Variants in BAZ1A observed in about 807,000 individuals in gnomAD.
The protein encoded by BAZ1A is bromodomain adjacent to zinc finger domain 1A.
A neutral mutation model predicts 185.2 loss-of-function variants in BAZ1A; 50 were observed. The ratio of observed to expected loss-of-function variants is 0.27; its 90% confidence interval spans 0.22 to 0.34. The LOEUF (loss-of-function observed/expected upper bound fraction) is 0.34. Ranked by LOEUF, BAZ1A falls within the 10% of genes least tolerant of loss-of-function variation. BAZ1A has a pLI of 1.00. For synonymous variants in BAZ1A, 571 were observed against 615.6 expected (o/e 0.93, Z 1.07); for missense variants, 1,356 against 1,839.9 (o/e 0.74, Z 4.81).
chr14:34,854,167 C>T (rs2042639508), intron 3 of BAZ1A, among the ~76,000 whole-genome samples: 1 of 152,184 alleles, frequency 6.6e-6, no homozygotes, highest in Admixed American at 6.5e-5. Flanking sequence ...TGGCTCACAT[C>T]TGTAATTCCA....
intron 3 of BAZ1A, among the ~76,000 whole-genome samples, chr14:34,850,302 C>T (rs1330613266): frequency 3.3e-5 from 5 of 151,912 alleles, no homozygotes; most frequent in Non-Finnish European, 7.4e-5. Flanking sequence ...TGCCTGAGCC[C>T]GGGAAATGGA....
Position 34,753,484 on chromosome 14 carries a change from A to C in BAZ1A, c.*24T>G. 1.2e-6 allele frequency: 2 copies of C among 1,612,678 alleles called. No individual in the cohort carries two copies. Among genetic ancestry groups the C allele is most frequent in the Non-Finnish European group, 1.7e-6 (2 of 1,179,002 alleles). On this transcript the variant is annotated 3_prime_UTR_variant, in exon 27 of 27. Transcript: ENST00000360310. Reference sequence around the variant, plus strand: ...TTCATGAACAATTTGTTTTTCTTCAAATATATCCTTTAGAAGGACAAAGTC... The same window carrying C: ...TTCATGAACAATTTGTTTTTCTTCACATATATCCTTTAGAAGGACAAAGTC...
rs1028595086 is a variant in BAZ1A at position 34,780,040 on chromosome 14, C to T, written c.2236+146G>A. 3 of 990,344 alleles carry T rather than the reference C, an allele frequency of 3.0e-6. No individual in the cohort carries two copies. The African/African-American group carries it at 4.9e-5, about 16-fold the overall frequency. The allele number at this position is 990,344 out of a possible 1,614,324, so 61.3% of individuals were successfully genotyped here. ...AACACATTTTTACAACTCATCACAG[C>T]TATGAGGTGGGCATTTAAAAAAACA... On this transcript the variant is annotated intron_variant, in intron 17 of 26. Coordinates refer to ENST00000360310, the MANE Select transcript of BAZ1A (RefSeq NM_013448.3).
chr14:34,820,509 A>G (rs1017467629), intron 4 of BAZ1A, among the ~76,000 whole-genome samples: 4 of 152,176 alleles, frequency 2.6e-5, no homozygotes, highest in African/African-American at 2.4e-5. Context: ...ATCTTTTGCA[A>G]AACACTCTGT....
In BAZ1A at chr14:34,801,180, G is replaced by A. The variant is rs1881523012; in HGVS notation, c.875C>T (p.Ala292Val). 6.2e-7 allele frequency: 1 copy of A among 1,603,976 alleles called. No homozygotes were observed. The highest frequency in any genetic ancestry group is 8.5e-7 in the Non-Finnish European group (1 of 1,176,588). The change falls in exon 8 of 27, where the codon GCT becomes GTT. Residue 292 changes from alanine (A) to valine (V), a missense_variant. By Grantham distance (64) the Ala-to-Val change is moderately conservative. Coordinates refer to ENST00000360310, the MANE Select transcript of BAZ1A (RefSeq NM_013448.3). ...RIHISQEDNV[A>V]NKQTLASYRS... ...ATAACTTGCAAGAGTCTGTTTATTA[G>A]CAACATTGTCCTCCTAAAAAACAAA...
At chr14:34,788,153 GATTAC>G (rs1366192937) in intron 12 of BAZ1A, among the ~76,000 whole-genome samples, 1 of 152,010 alleles carries the variant, frequency 6.6e-6, no homozygotes, top group Non-Finnish European at 1.5e-5. Context: ...AGGTAGCTGG[GATTAC>G]AGGCACCCGC....
chr14:34,842,273 C>T (rs955553009), intron 3 of BAZ1A, among the ~76,000 whole-genome samples: 3 of 152,096 alleles, frequency 2.0e-5, no homozygotes, highest in Non-Finnish European at 2.9e-5. Flanking sequence ...AAAGACAGAA[C>T]GACAACAAAT....
chr14:34,758,877 T>C (rs1227872305), intron 24 of BAZ1A, 31 bp from the exon 25 acceptor site: 1 of 1,606,342 alleles, frequency 6.2e-7, no homozygotes, highest in Non-Finnish European at 8.5e-7. Flanking sequence ...TTTTAGGTGA[T>C]AACAAAGCAA....
intron 14 of BAZ1A, among the ~76,000 whole-genome samples, chr14:34,784,898 C>T (rs1594836242): frequency 6.6e-6 from 1 of 152,082 alleles, no homozygotes; most frequent in East Asian, 1.9e-4. Context: ...GCTGTGTCGC[C>T]CAGGCTGGAG....
At chr14:34,866,502 A>AGAAAG (rs1555346064) in intron 2 of BAZ1A, among the ~76,000 whole-genome samples, 3 of 79,538 alleles carry the variant, frequency 3.8e-5, no homozygotes, top group Non-Finnish European at 8.5e-5. Context: ...AAAAAAAAAA[A>AGAAAG]GAAAAAAGTT....
At chr14:34,775,561 C>A (rs1003886853) in intron 18 of BAZ1A, among the ~76,000 whole-genome samples, 2 of 152,192 alleles carry the variant, frequency 1.3e-5, no homozygotes, top group Non-Finnish European at 2.9e-5. Context: ...TCAGCCAAAA[C>A]CCTTAATGAG....
At position 34,821,835 on chromosome 14, in the gene BAZ1A, T is replaced by A. The variant is rs539327424; in HGVS notation, c.536+4178A>T. The stretch of plus-strand genomic sequence containing the variant: ...CCCCATTTCTATTAAAAATACAAAA[T>A]TAGCCGGGTGTGGTGGTGCATGCCT... On this transcript the variant is annotated intron_variant, in intron 4 of 26. Transcript: ENST00000360310. Among the ~76,000 whole-genome samples, 22 of 150,510 alleles carry A rather than the reference T, an allele frequency of 1.5e-4. No individual in the cohort carries two copies. In the South Asian group the frequency reaches 4.2e-3, roughly 29 times the overall value.
At chr14:34,856,270 T>C (rs2042675540) in intron 3 of BAZ1A, among the ~76,000 whole-genome samples, 1 of 151,070 alleles carries the variant, frequency 6.6e-6, no homozygotes, top group Non-Finnish European at 1.5e-5. Flanking sequence ...GTCTCTCTCT[T>C]AACTGAACTC....
rs772047587 is a variant in BAZ1A at position 34,775,990 on chromosome 14, G to T, written c.2762C>A (p.Thr921Asn). 6.2e-7 allele frequency: 1 copy of T among 1,613,742 alleles called. No homozygotes were observed. The highest frequency in any genetic ancestry group is 8.5e-7 in the Non-Finnish European group (1 of 1,179,754). Residue 921 changes from threonine to asparagine, a missense_variant, in exon 18 of 27, where the codon ACT (threonine) becomes AAT (asparagine). By Grantham distance (65) the Thr-to-Asn change is moderately conservative (BLOSUM62 0). Around this residue, in one of 7 missense-constraint regions of BAZ1A, gnomAD observed 434 missense variants for 561.7 expected, o/e 0.77. Coordinates refer to ENST00000360310, the MANE Select transcript of BAZ1A (RefSeq NM_013448.3). ...RGHRESALKE[T>N]LLQEKSRICA... ...TATTCTGCTTTTCTCTTGTAACAAAGTTTCTTTTAAGGCACTTTCTCTATG... is the reference window on the plus strand; with the variant it reads ...TATTCTGCTTTTCTCTTGTAACAAATTTTCTTTTAAGGCACTTTCTCTATG...
intron 3 of BAZ1A, among the ~76,000 whole-genome samples, chr14:34,841,032 TC>T (rs1278406932): frequency 6.6e-6 from 1 of 151,904 alleles, no homozygotes; most frequent in African/African-American, 2.4e-5. Context: ...CACTGCAACC[TC>T]CACCTCCCGA....
intron 4 of BAZ1A, among the ~76,000 whole-genome samples, chr14:34,824,236 T>C (rs1368922862): frequency 1.2e-4 from 18 of 145,028 alleles, no homozygotes. Flanking sequence ...TAGCCAGGCA[T>C]GGTAGCACGC....
chr14:34,776,658 G>C, intron 17 of BAZ1A, 143 bp from the exon 18 acceptor site: 1 of 660,472 alleles, frequency 1.5e-6, no homozygotes, highest in Non-Finnish European at 2.5e-6. Flanking sequence ...ATATGTTGAA[G>C]CCCTAACCTC....
intron 3 of BAZ1A, among the ~76,000 whole-genome samples, chr14:34,855,329 T>C (rs1488800139): frequency 6.6e-6 from 1 of 152,160 alleles, no homozygotes; most frequent in Non-Finnish European, 1.5e-5. Flanking sequence ...AACGACAAGC[T>C]GCAACCAATC....
At chr14:34,756,872 C>T (rs1886273086) in intron 25 of BAZ1A, among the ~76,000 whole-genome samples, 1 of 152,156 alleles carries the variant, frequency 6.6e-6, no homozygotes, top group African/African-American at 2.4e-5. Context: ...TCATTCCAGA[C>T]CTAATGAATC....
Sources: gnomAD v4.1 joint callset for allele counts (sites outside exome capture counted in the v4.1 genomes callset) on GRCh38, gnomAD v4.1.1 for gene constraint, gnomAD v4.1.1 regional missense constraint, MANE v1.5 for transcripts, NCBI Gene and HGNC (gene_info 2026-07-23, HGNC 2026-07-21) for gene names.